Variants in ZFYVE9 observed in about 807,000 individuals in gnomAD.
ZFYVE9 encodes the protein zinc finger FYVE domain-containing protein 9.
A neutral mutation model predicts 126.7 loss-of-function variants in ZFYVE9; 43 were observed. The ratio of observed to expected loss-of-function variants is 0.34; its 90% CI spans 0.27 to 0.44. The LOEUF is 0.44. Among genes scored for constraint, ZFYVE9 ranks in the 20% least tolerant of loss-of-function variants. The pLI, the probability that ZFYVE9 is intolerant of heterozygous loss-of-function variation, is 1.00. For missense variants in ZFYVE9, 1,476 were observed against 1,697.0 expected (o/e 0.87, Z 2.29); for synonymous variants, 521 against 597.4 (o/e 0.87, Z 1.87).
At chr1:52,254,585 ATAAT>A (rs1238140044) in intron 4 of ZFYVE9, among the ~76,000 whole-genome samples, 4 of 152,274 alleles carry the variant, frequency 2.6e-5, no homozygotes, top group Admixed American at 6.5e-5. Flanking sequence ...TTTTGAGTAA[ATAAT>A]TCTTAAAACA....
intron 1 of ZFYVE9, among the ~76,000 whole-genome samples, chr1:52,177,947 T>G (rs1336504978): frequency 2.0e-5 from 3 of 151,684 alleles, no homozygotes; most frequent in South Asian, 2.1e-4. Flanking sequence ...TAGTTTTGTT[T>G]TTTTTTTTTT....
intron 8 of ZFYVE9, among the ~76,000 whole-genome samples, chr1:52,277,641 C>T (rs1569653579): frequency 6.6e-6 from 1 of 152,148 alleles, no homozygotes; most frequent in South Asian, 2.1e-4. Flanking sequence ...CTTTGTTCTA[C>T]CTGACTGTCC....
At chr1:52,268,291 T>G (rs911508756) in intron 6 of ZFYVE9, among the ~76,000 whole-genome samples, 172 bp from the exon 7 acceptor site, 1 of 152,268 alleles carries the variant, frequency 6.6e-6, no homozygotes, top group African/African-American at 2.4e-5. Flanking sequence ...ATTTGTATTT[T>G]TAATTCATTT....
intron 4 of ZFYVE9, among the ~76,000 whole-genome samples, chr1:52,255,707 A>G (rs1195969125): frequency 2.0e-5 from 3 of 152,136 alleles, no homozygotes; most frequent in South Asian, 2.1e-4. Flanking sequence ...AGCTTGGGCA[A>G]CGTGGCAAAA....
At chr1:52,225,188 A>G (rs1645158399) in intron 2 of ZFYVE9, among the ~76,000 whole-genome samples, 1 of 152,160 alleles carries the variant, frequency 6.6e-6, no homozygotes, top group South Asian at 2.1e-4. Context: ...TCACTGAGGA[A>G]TTCTTAGGGA....
intron 13 of ZFYVE9, among the ~76,000 whole-genome samples, chr1:52,314,997 T>C (rs1316223014): frequency 6.6e-6 from 1 of 151,868 alleles, no homozygotes. Flanking sequence ...ACAGACCTGT[T>C]CCACAAGAAA....
At chr1:52,218,130 C>T (rs756914025) in intron 2 of ZFYVE9, among the ~76,000 whole-genome samples, 1 of 152,122 alleles carries the variant, frequency 6.6e-6, no homozygotes, top group Non-Finnish European at 1.5e-5. Context: ...GGTCAAAGGA[C>T]CCATTTATTG....
At chr1:52,299,284 C>T (rs1052822432) in intron 12 of ZFYVE9, among the ~76,000 whole-genome samples, 14 of 151,996 alleles carry the variant, frequency 9.2e-5, no homozygotes, top group African/African-American at 2.7e-4. Context: ...ACAACTTTAC[C>T]GAATTTGTTC....
chr1:52,203,136 A>T (rs1042979899), intron 1 of ZFYVE9, among the ~76,000 whole-genome samples: 1 of 151,646 alleles, frequency 6.6e-6, no homozygotes, highest in Non-Finnish European at 1.5e-5. Context: ...AGGATAAATT[A>T]GTTGTAATTC....
intron 4 of ZFYVE9, among the ~76,000 whole-genome samples, chr1:52,263,288 C>G (rs776181942): frequency 7.2e-5 from 11 of 152,058 alleles, no homozygotes; most frequent in Non-Finnish European, 2.9e-5. Flanking sequence ...GACCCTTGGC[C>G]TTCATAGCAA....
At chr1:52,183,054 G>GT in intron 1 of ZFYVE9, among the ~76,000 whole-genome samples, 1 of 152,170 alleles carries the variant, frequency 6.6e-6, no homozygotes, top group African/African-American at 2.4e-5. Flanking sequence ...TTGAAAGTAA[G>GT]TAAAGGTCAG....
At chr1:52,270,814 A>G (rs1345092593) in intron 7 of ZFYVE9, among the ~76,000 whole-genome samples, 1 of 149,698 alleles carries the variant, frequency 6.7e-6, no homozygotes, top group Non-Finnish European at 1.5e-5. Context: ...TTTTCTCATG[A>G]CTAGTTTCAG....
intron 1 of ZFYVE9, among the ~76,000 whole-genome samples, chr1:52,197,272 G>A (rs3855977): frequency 1.1e-3 from 169 of 152,224 alleles, no homozygotes; most frequent in Non-Finnish European, 1.8e-3. Context: ...TTACTATAGC[G>A]TGAACAACTG....
chr1:52,250,561 A>G (rs1557480618), intron 4 of ZFYVE9, among the ~76,000 whole-genome samples: 1 of 152,162 alleles, frequency 6.6e-6, no homozygotes, highest in Non-Finnish European at 1.5e-5. Flanking sequence ...TGTTGTCAGT[A>G]TACAGAGATA....
At chr1:52,345,917 A>G (rs1569798989) in intron 18 of ZFYVE9, 143 bp from the exon 19 acceptor site, 1 of 809,908 alleles carries the variant, frequency 1.2e-6, no homozygotes, top group Middle Eastern at 4.1e-4. Context: ...CACCCAGAAA[A>G]GAGGATAAAT....
At chr1:52,213,471 T>G (rs1156626582) in intron 1 of ZFYVE9, among the ~76,000 whole-genome samples, 2 of 151,914 alleles carry the variant, frequency 1.3e-5, no homozygotes, top group Non-Finnish European at 2.9e-5. Flanking sequence ...GGCAACATAG[T>G]GAAACCCTGT....
intron 9 of ZFYVE9, among the ~76,000 whole-genome samples, chr1:52,281,323 C>T (rs1034570936): frequency 4.0e-5 from 6 of 151,844 alleles, no homozygotes; most frequent in South Asian, 4.1e-4. Flanking sequence ...TTAGTAGAGA[C>T]GGGGTTTCAC....
chr1:52,266,114 T>C (rs371952921), intron 5 of ZFYVE9, among the ~76,000 whole-genome samples: 3 of 152,228 alleles, frequency 2.0e-5, no homozygotes, highest in East Asian at 1.9e-4. Context: ...TTTTAATTTT[T>C]TTGAGATGGA....
At chr1:52,268,721 G>A (rs1645658543) in intron 7 of ZFYVE9, 89 bp downstream of exon 7, 1 of 1,466,868 alleles carries the variant, frequency 6.8e-7, no homozygotes, top group African/African-American at 1.4e-5. Flanking sequence ...GTGGAACTCT[G>A]TAGGTTTTGG....
Sources: allele counts gnomAD v4.1 joint callset (sites outside exome capture counted in the v4.1 genomes callset), GRCh38; gene constraint gnomAD v4.1.1; transcripts MANE v1.5; gene names NCBI Gene and HGNC (gene_info 2026-07-23, HGNC 2026-07-21).